The following HTR2C variants were observed in gnomAD, a reference collection of about 807,000 sequenced individuals.
HTR2C encodes the protein 5-hydroxytryptamine (serotonin) receptor 2C, G protein-coupled.
HTR2C carries 5 observed loss-of-function variants against 21.0 expected under a neutral mutation model. The observed-to-expected ratio is 0.24, with a 90% CI of 0.12 to 0.50. HTR2C has a LOEUF of 0.50. HTR2C is among the 20% of genes least tolerant of loss of function. HTR2C has a pLI of 0.98. For synonymous variants in HTR2C, 150 were observed against 145.3 expected, an observed-to-expected ratio of 1.03 and a Z score of -0.23; for missense variants, 271 against 371.2, an observed-to-expected ratio of 0.73 and a Z score of 2.22.
chrX:114,616,967 C>T (rs1028590938), intron 2 of HTR2C, among the ~76,000 whole-genome samples: 6 of 112,480 alleles, frequency 5.3e-5, no homozygotes, highest in Non-Finnish European at 1.1e-4. Context: ...AATCGTCACT[C>T]TCTTGACACT....
intron 2 of HTR2C, among the ~76,000 whole-genome samples, chrX:114,704,259 A>C (rs1556417533): frequency 9.0e-6 from 1 of 111,563 alleles, no homozygotes; most frequent in African/African-American, 3.3e-5. Context: ...ACAACCAAAA[A>C]AGAGAATTTT....
chrX:114,642,122 C>G (rs782008693), intron 2 of HTR2C, among the ~76,000 whole-genome samples: 1 of 112,137 alleles, frequency 8.9e-6, no homozygotes, highest in Non-Finnish European at 1.9e-5. Context: ...ATATGTACCA[C>G]ATTTTCTTTA....
chrX:114,777,757 T>C lies in HTR2C; in HGVS notation c.349+46150T>C, dbSNP rs782698565. ...ATTTTTAGTAGAGACAGGGTTTCCC[T>C]GTGTTGGCCAGGCTGGTGTCAAACT... On this transcript the variant is annotated intron_variant, in intron 4 of 5. Coordinates refer to ENST00000276198, the MANE Select transcript of HTR2C (RefSeq NM_000868.4). Among the ~76,000 whole-genome samples the C allele has an allele frequency of 2.5e-3, 282 of 110,799 alleles. 1 individual carries two copies. The highest frequency in any genetic ancestry group is 8.8e-3 in the African/African-American group (269 of 30,487).
intron 3 of HTR2C, 24 bp from the exon 4 acceptor site, chrX:114,731,270 G>T (rs201712249): frequency 2.3e-4 from 205 of 897,797 alleles, no homozygotes; most frequent in Non-Finnish European, 3.0e-4. Context: ...GTACCTGATT[G>T]TTTTTTTTTT....
intron 2 of HTR2C, among the ~76,000 whole-genome samples, chrX:114,678,014 A>T (rs1346215036): frequency 6.3e-5 from 7 of 110,380 alleles, no homozygotes; most frequent in African/African-American, 2.3e-4. Context: ...TACTGCTTTG[A>T]AACAACGACA....
chrX:114,672,402 G>A (rs12836749), intron 2 of HTR2C, among the ~76,000 whole-genome samples: 17,714 of 109,788 alleles, frequency 0.16, 1,022 homozygotes, highest in South Asian at 0.3. Flanking sequence ...AAAAAAAATC[G>A]TATTTCACAC....
At chrX:114,765,959 CAAAGACTTGAAGGAT>C (rs2069944049) in intron 4 of HTR2C, among the ~76,000 whole-genome samples, 1 of 111,478 alleles carries the variant, frequency 9.0e-6, no homozygotes, top group South Asian at 3.7e-4. Flanking sequence ...GATATATCTT[CAAAGACTTGAAGGAT>C]TTTCATACTC....
intron 4 of HTR2C, among the ~76,000 whole-genome samples, chrX:114,768,550 T>G (rs1556436008): frequency 9.0e-6 from 1 of 111,136 alleles, no homozygotes; most frequent in African/African-American, 3.2e-5. Flanking sequence ...AATATATATT[T>G]TCTCAGTTTA....
chrX:114,854,163 G>C (rs782383579), intron 5 of HTR2C, among the ~76,000 whole-genome samples: 18 of 110,930 alleles, frequency 1.6e-4, no homozygotes, highest in African/African-American at 5.9e-4. Context: ...CAAACTTTTT[G>C]GTCTAGTGAT....
intron 4 of HTR2C, among the ~76,000 whole-genome samples, chrX:114,813,972 G>C (rs1432306790): frequency 9.0e-6 from 1 of 111,476 alleles, no homozygotes; most frequent in African/African-American, 3.3e-5. Context: ...GGTACTGAGA[G>C]AAGACATAGC....
At chrX:114,799,697 CACTT>C (rs1355484641) in intron 4 of HTR2C, among the ~76,000 whole-genome samples, 2 of 110,267 alleles carry the variant, frequency 1.8e-5, no homozygotes, top group East Asian at 2.9e-4. Flanking sequence ...CTAAGTAAGA[CACTT>C]ACTTTGAATT....
chrX:114,793,781 T>TACA (rs2070259698), intron 4 of HTR2C, among the ~76,000 whole-genome samples: 1 of 110,227 alleles, frequency 9.1e-6, no homozygotes, highest in African/African-American at 3.3e-5. Flanking sequence ...AGCCAATATA[T>TACA]ATTAAGCACT....
intron 4 of HTR2C, among the ~76,000 whole-genome samples, chrX:114,765,894 T>C (rs142739649): frequency 2.5e-3 from 274 of 111,635 alleles, no homozygotes; most frequent in African/African-American, 8.8e-3. Flanking sequence ...CAGATTGCAA[T>C]GCCTCTGCTA....
At chrX:114,712,723 G>A (rs1932909649) in intron 2 of HTR2C, among the ~76,000 whole-genome samples, 3 of 111,435 alleles carry the variant, frequency 2.7e-5, no homozygotes, top group Admixed American at 9.6e-5. Flanking sequence ...TGGAAGGGAT[G>A]GTACTGATCC....
chrX:114,866,086 G>A (rs1556474504), intron 5 of HTR2C, among the ~76,000 whole-genome samples: 1 of 111,358 alleles, frequency 9.0e-6, no homozygotes, highest in African/African-American at 3.3e-5. Flanking sequence ...CAAAGTGCTG[G>A]GATTATAGGC....
intron 5 of HTR2C, among the ~76,000 whole-genome samples, chrX:114,849,976 C>G (rs1411843517): frequency 1.8e-5 from 2 of 112,015 alleles, no homozygotes; most frequent in Non-Finnish European, 3.8e-5. Context: ...AATTATCAGA[C>G]ATACACTTTA....
At chrX:114,771,468 T>C (rs782093809) in intron 4 of HTR2C, among the ~76,000 whole-genome samples, 1 of 111,706 alleles carries the variant, frequency 9.0e-6, no homozygotes, top group Non-Finnish European at 1.9e-5. Context: ...TCCAAGGAGA[T>C]TTTTGTGGGA....
Position 114,784,355 on chromosome X carries a change from T to C in HTR2C, c.349+52748T>C, listed in dbSNP as rs182765991. On this transcript the variant is annotated intron_variant, in intron 4 of 5. Transcript: ENST00000276198. The stretch of plus-strand genomic sequence containing the variant: ...TACAAATATCTAGACAAACATAACT[T>C]GACAATACTGGCAGTCGTAGCTTGT... Among the ~76,000 whole-genome samples the C allele has an allele frequency of 1.1e-4, 12 of 111,639 alleles. No homozygotes were observed. The East Asian group carries it at 3.1e-3, about 29-fold the overall frequency.
At chrX:114,678,270 G>GACACACACACACACAC (rs200416814) in intron 2 of HTR2C, among the ~76,000 whole-genome samples, 67 of 100,237 alleles carry the variant, frequency 6.7e-4, no homozygotes, top group Middle Eastern at 5.3e-3. Context: ...CTCTCTGTCT[G>GACACACACACACACAC]ACACACACAC....
Sources: allele counts gnomAD v4.1 joint callset (sites outside exome capture counted in the v4.1 genomes callset), GRCh38; gene constraint gnomAD v4.1.1; transcripts MANE v1.5; gene names NCBI Gene and HGNC (gene_info 2026-07-23, HGNC 2026-07-21).